The following GALNT17 variants were observed in gnomAD, a reference collection of about 807,000 sequenced individuals.
The protein encoded by GALNT17 is UDP-GalNAc:polypeptide N-acetylgalactosaminyltransferase-like 3.
A neutral mutation model predicts 63.7 loss-of-function variants in GALNT17; 29 were observed. The observed-to-expected ratio is 0.46, with a 90% CI of 0.34 to 0.62. GALNT17 has a LOEUF of 0.62. Among genes scored for constraint, GALNT17 ranks in the 20% least tolerant of loss-of-function variants. The pLI is 0.01. For synonymous variants in GALNT17, 305 were observed against 318.3 expected, an observed-to-expected ratio of 0.96 and a Z score of 0.45; for missense variants, 603 against 799.6, an observed-to-expected ratio of 0.75 and a Z score of 2.97.
At chr7:71,450,919 CTT>C (rs796398074) in intron 5 of GALNT17, among the ~76,000 whole-genome samples, 2 of 102,094 alleles carry the variant, frequency 2.0e-5, no homozygotes, top group Admixed American at 2.6e-4. Context: ...TGGCGTTTTT[CTT>C]TTTTTTATTC....
At chr7:71,195,043 G>A (rs73364009) in intron 1 of GALNT17, among the ~76,000 whole-genome samples, 2,529 of 152,282 alleles carry the variant, frequency 0.017, 69 homozygotes, top group African/African-American at 0.057. Flanking sequence ...GGAGGCAATA[G>A]TAGCTAATAT....
At chr7:71,657,041 C>T (rs759508842) in intron 6 of GALNT17, among the ~76,000 whole-genome samples, 15 of 152,148 alleles carry the variant, frequency 9.9e-5, no homozygotes, top group Non-Finnish European at 1.6e-4. Flanking sequence ...ATTTTGGATC[C>T]AAACCTACTT....
At chr7:71,330,910 C>T (rs78684869) in intron 1 of GALNT17, among the ~76,000 whole-genome samples, 2,146 of 152,270 alleles carry the variant, frequency 0.014, 25 homozygotes, top group Middle Eastern at 0.027. Flanking sequence ...CCTTCCCCTT[C>T]TTGCTCCTGG....
chr7:71,384,111 G>A (rs1285032143), intron 2 of GALNT17, among the ~76,000 whole-genome samples: 1 of 152,012 alleles, frequency 6.6e-6, no homozygotes, highest in Non-Finnish European at 1.5e-5. Context: ...TTATTTTCAG[G>A]TTTTTGTTTT....
intron 1 of GALNT17, among the ~76,000 whole-genome samples, chr7:71,199,874 C>T (rs1023673417): frequency 1.3e-5 from 2 of 152,142 alleles, no homozygotes; most frequent in Non-Finnish European, 2.9e-5. Context: ...AAGACCATGT[C>T]GCCATCCTCA....
intron 1 of GALNT17, among the ~76,000 whole-genome samples, chr7:71,296,781 T>G (rs912775836): frequency 2.0e-5 from 3 of 152,006 alleles, no homozygotes; most frequent in Non-Finnish European, 4.4e-5. Flanking sequence ...AGTATGATAT[T>G]TAATATAGCA....
chr7:71,705,904 G>A (rs1235725614), intron 9 of GALNT17, among the ~76,000 whole-genome samples: 1 of 152,138 alleles, frequency 6.6e-6, no homozygotes, highest in Non-Finnish European at 1.5e-5. Flanking sequence ...GCAGAGGACA[G>A]GAAGAAGAGA....
chr7:71,486,036 A>G (rs1474469906), intron 5 of GALNT17, among the ~76,000 whole-genome samples: 2 of 152,106 alleles, frequency 1.3e-5, no homozygotes, highest in South Asian at 2.1e-4. Flanking sequence ...GGCATTTAAT[A>G]TATTTCCTCG....
chr7:71,621,545 T>TTA (rs1249735813), intron 6 of GALNT17, among the ~76,000 whole-genome samples: 1 of 87,340 alleles, frequency 1.1e-5, no homozygotes, highest in Non-Finnish European at 2.5e-5. Context: ...ATTGATGGAT[T>TTA]GATGGATAGA....
intron 5 of GALNT17, among the ~76,000 whole-genome samples, chr7:71,477,563 A>G (rs1012557650): frequency 2.6e-5 from 4 of 152,222 alleles, no homozygotes; most frequent in African/African-American, 9.6e-5. Flanking sequence ...AGAGCCGGGC[A>G]TAGTGACTGG....
intron 1 of GALNT17, among the ~76,000 whole-genome samples, chr7:71,309,535 T>C (rs965035459): frequency 1.2e-4 from 18 of 152,148 alleles, no homozygotes; most frequent in Admixed American, 1.0e-3. Flanking sequence ...GTCTACACTT[T>C]TGTCGTGTCA....
chr7:71,504,702 C>T (rs1166260681), intron 5 of GALNT17, among the ~76,000 whole-genome samples: 3 of 152,062 alleles, frequency 2.0e-5, no homozygotes, highest in Non-Finnish European at 2.9e-5. Context: ...TTACAAATTA[C>T]CTTTGTCAAA....
intron 1 of GALNT17, among the ~76,000 whole-genome samples, chr7:71,320,849 T>C (rs1791592893): frequency 6.6e-6 from 1 of 152,202 alleles, no homozygotes. Context: ...ATTTACCTTC[T>C]ATGATATGAC....
intron 3 of GALNT17, among the ~76,000 whole-genome samples, chr7:71,393,193 A>C (rs1583914829): frequency 1.3e-5 from 2 of 152,210 alleles, no homozygotes; most frequent in Admixed American, 1.3e-4. Context: ...CCATTATGTA[A>C]TGCTCTCTTT....
chr7:71,214,504 C>T lies in GALNT17; in HGVS notation c.238+81464C>T, dbSNP rs61599788. On this transcript the variant is annotated intron_variant, in intron 1 of 10. Transcript: ENST00000333538. ...AGAATGTCATGAGCCCCTTTCATCTCCAAACTGGATTTTAAAACAATGTGG... is the reference window on the plus strand; with the variant it reads ...AGAATGTCATGAGCCCCTTTCATCTTCAAACTGGATTTTAAAACAATGTGG... Among the ~76,000 whole-genome samples the T allele has an allele frequency of 9.5e-3, 1,444 of 152,000 alleles. 24 individuals carry two copies. Among genetic ancestry groups the T allele is most frequent in the African/African-American group, 0.033 (1,381 of 41,434 alleles).
Position 71,680,519 on chromosome 7 carries a change from TCTCCCTTCCTCCCTCC to T in GALNT17, c.1500+3233_1500+3248del, listed in dbSNP as rs1407057424. The stretch of plus-strand genomic sequence containing the variant: ...CCCTCTCTCCCTTCCTCCCTCCCTC[TCTCCCTTCCTCCCTCC>T]CTCCCTTCCTCCCTCCCTCTCTCCC... On this transcript the variant is annotated intron_variant, in intron 9 of 10. Coordinates refer to ENST00000333538, the MANE Select transcript of GALNT17 (RefSeq NM_022479.3). Among the ~76,000 whole-genome samples, 127 of 25,218 alleles carry T rather than the reference TCTCCCTTCCTCCCTCC, an allele frequency of 5.0e-3. 30 individuals are homozygous for T. The highest frequency in any genetic ancestry group is 9.5e-3 in the South Asian group (3 of 316). 16.5% of individuals were successfully genotyped at this position (25,218 alleles called of 152,430 possible).
chr7:71,266,746 G>A (rs1166185122), intron 1 of GALNT17, among the ~76,000 whole-genome samples: 3 of 152,088 alleles, frequency 2.0e-5, no homozygotes, highest in Non-Finnish European at 4.4e-5. Flanking sequence ...ACTCTGCAAG[G>A]GGAGAGAAGT....
At chr7:71,658,423 G>C (rs958262280) in intron 6 of GALNT17, among the ~76,000 whole-genome samples, 1 of 152,174 alleles carries the variant, frequency 6.6e-6, no homozygotes, top group East Asian at 1.9e-4. Context: ...CCAGAGTCTT[G>C]TGATGGTTTC....
chr7:71,326,425 A>G (rs773692638), intron 1 of GALNT17, among the ~76,000 whole-genome samples: 3 of 152,094 alleles, frequency 2.0e-5, no homozygotes, highest in Non-Finnish European at 2.9e-5. Flanking sequence ...CCCCCACTAC[A>G]CTCCAGCCTG....
Sources: allele counts gnomAD v4.1 joint callset (sites outside exome capture counted in the v4.1 genomes callset), GRCh38; gene constraint gnomAD v4.1.1; transcripts MANE v1.5; gene names NCBI Gene and HGNC (gene_info 2026-07-23, HGNC 2026-07-21).